The following ATP10A variants were observed in gnomAD, a reference collection of about 807,000 sequenced individuals.
ATP10A encodes phospholipid-transporting ATPase VA.
In ATP10A, 111 loss-of-function variants were observed where a neutral mutation model predicts 147.8. The ratio of observed to expected loss-of-function variants is 0.75; its 90% CI spans 0.64 to 0.88. The LOEUF is 0.88. Ranked by LOEUF, ATP10A falls within the 40% of genes least tolerant of loss-of-function variation. ATP10A has a pLI of 0.00. For missense variants in ATP10A, 1,927 were observed against 1,959.0 expected (o/e 0.98, Z 0.31); for synonymous variants, 875 against 841.6 (o/e 1.04, Z -0.69).
intron 1 of ATP10A, among the ~76,000 whole-genome samples, chr15:25,824,559 GTT>G (rs61050447): frequency 1.5e-4 from 18 of 120,186 alleles, no homozygotes; most frequent in Non-Finnish European, 2.0e-4. Context: ...TTTTGTGTGT[GTT>G]TTTTTTTTTT....
At chr15:25,859,108 T>C (rs1893644160) in intron 1 of ATP10A, among the ~76,000 whole-genome samples, 1 of 152,096 alleles carries the variant, frequency 6.6e-6, no homozygotes. Context: ...TGATAGGAGA[T>C]CTCTGCTTCC....
chr15:25,703,100 G>A (rs1900767531), intron 12 of ATP10A, among the ~76,000 whole-genome samples: 1 of 152,226 alleles, frequency 6.6e-6, no homozygotes, highest in South Asian at 2.1e-4. Flanking sequence ...GCTCACGCCT[G>A]TAATCCCAGC....
intron 1 of ATP10A, among the ~76,000 whole-genome samples, chr15:25,834,375 G>A (rs943549986): frequency 2.6e-5 from 4 of 152,176 alleles, no homozygotes; most frequent in Non-Finnish European, 5.9e-5. Flanking sequence ...TGATACATAA[G>A]TGGCCAATAA....
At chr15:25,722,524 T>C (rs1057292416) in intron 6 of ATP10A, among the ~76,000 whole-genome samples, 15 of 152,226 alleles carry the variant, frequency 9.9e-5, no homozygotes, top group African/African-American at 3.6e-4. Context: ...TGCTTACTCA[T>C]TTGTTTTTGT....
intron 3 of ATP10A, among the ~76,000 whole-genome samples, chr15:25,731,249 A>G (rs989543334): frequency 1.4e-4 from 21 of 152,260 alleles, no homozygotes; most frequent in Admixed American, 1.3e-3. Context: ...AGGGTTGGCT[A>G]TACTTGTATC....
chr15:25,722,551 A>G (rs1902309127), intron 6 of ATP10A, among the ~76,000 whole-genome samples: 2 of 152,210 alleles, frequency 1.3e-5, no homozygotes, highest in South Asian at 4.1e-4. Flanking sequence ...ACAGTATTGG[A>G]CTAATGTTTA....
intron 1 of ATP10A, among the ~76,000 whole-genome samples, chr15:25,783,481 C>CCG (rs1555469258): frequency 2.0e-5 from 3 of 147,006 alleles, no homozygotes; most frequent in Non-Finnish European, 4.6e-5. Flanking sequence ...TGAGGGACCC[C>CCG]CCCCTGGCAA....
At chr15:25,733,462 C>T (rs1887074437) in intron 3 of ATP10A, among the ~76,000 whole-genome samples, 1 of 152,186 alleles carries the variant, frequency 6.6e-6, no homozygotes, top group African/African-American at 2.4e-5. Context: ...GCGAGGCTGC[C>T]CCAGTCCCCT....
At position 25,789,565 on chromosome 15, in the gene ATP10A, AGTGT is replaced by A. The variant is rs59744412; in HGVS notation, c.450-8346_450-8343del. On this transcript the variant is annotated intron_variant, in intron 1 of 20. Transcript: ENST00000555815. ...TTTTCATATGGTGGACCAATAAAGA[AGTGT>A]GTGTGTGTGTGTGTGTGTGTGTGAC... Among the ~76,000 whole-genome samples the A allele has an allele frequency of 5.1e-3, 724 of 141,436 alleles. 9 individuals are homozygous for A. Among genetic ancestry groups the A allele is most frequent in the African/African-American group, 0.017 (676 of 38,908 alleles). The allele number at this position is 141,436 out of a possible 152,430, so 92.8% of individuals were successfully genotyped here. A position where few individuals can be genotyped will look rare whatever the true frequency, so the allele number is the denominator to read the frequency against.
At chr15:25,787,283 G>C (rs1890215852) in intron 1 of ATP10A, among the ~76,000 whole-genome samples, 1 of 152,158 alleles carries the variant, frequency 6.6e-6, no homozygotes, top group Non-Finnish European at 1.5e-5. Flanking sequence ...GCAGTGCAGA[G>C]ACTAATGTGG....
Position 25,708,825 on chromosome 15 carries a change from A to G in ATP10A, c.2345-525T>C, listed in dbSNP as rs191421558. 3.3e-3 allele frequency: 521 copies of G among 156,612 alleles called. 2 individuals carry two copies. The highest frequency in any genetic ancestry group is 8.4e-3 in the Admixed American group (134 of 16,038). 9.7% of individuals were successfully genotyped at this position (156,612 alleles called of 1,614,324 possible). On this transcript the variant is annotated intron_variant, in intron 10 of 20. Coordinates refer to ENST00000555815, the MANE Select transcript of ATP10A (RefSeq NM_024490.4). The stretch of plus-strand genomic sequence containing the variant: ...TACAAGTAGCATTGCCAGATACAAC[A>G]AACGATGTCTAAATATGGCATAGGA...
intron 3 of ATP10A, among the ~76,000 whole-genome samples, chr15:25,728,853 A>C (rs1441439887): frequency 1.3e-5 from 2 of 152,194 alleles, no homozygotes; most frequent in African/African-American, 4.8e-5. Flanking sequence ...CAGAAGGAAG[A>C]GCGAATGCGA....
At position 25,702,017 on chromosome 15, in the gene ATP10A, C is replaced by T. The variant is rs1245367648; in HGVS notation, c.2659G>A (p.Val887Ile). The change falls in exon 13 of 21, where the codon GTT (valine) becomes ATT (isoleucine). Residue 887 changes from valine to isoleucine, a missense_variant. Val to Ile is a conservative substitution (Grantham distance 29). Coordinates refer to ENST00000555815, the MANE Select transcript of ATP10A (RefSeq NM_024490.4). ...KLRQAGLQIW[V>I]LTGDKQETAV... ...GTTTCTTGTTTGTCACCAGTGAGAA[C>T]CCAAATCTGCAGGCCCGCTTGACGC... The T allele has an allele frequency of 1.2e-6, 2 of 1,614,194 alleles. No homozygotes were observed. Among genetic ancestry groups the T allele is most frequent in the Non-Finnish European group, 1.7e-6 (2 of 1,180,032 alleles).
intron 1 of ATP10A, among the ~76,000 whole-genome samples, chr15:25,821,390 C>CA (rs1195379076): frequency 9.2e-5 from 9 of 97,678 alleles, no homozygotes; most frequent in Middle Eastern, 0.013. Context: ...GACCCTGTCT[C>CA]AAAAAAAACA....
chr15:25,784,915 C>T (rs1890086282), intron 1 of ATP10A, among the ~76,000 whole-genome samples: 1 of 150,122 alleles, frequency 6.7e-6, no homozygotes, highest in Non-Finnish European at 1.5e-5. Flanking sequence ...GAGCGAGACC[C>T]CGTGTCAAAA....
chr15:25,787,332 G>A (rs1026473317), intron 1 of ATP10A, among the ~76,000 whole-genome samples: 2 of 152,118 alleles, frequency 1.3e-5, no homozygotes, highest in Non-Finnish European at 2.9e-5. Flanking sequence ...AAACGGTGGA[G>A]GCCAGGCATG....
At chr15:25,831,734 C>T (rs1233439059) in intron 1 of ATP10A, among the ~76,000 whole-genome samples, 1 of 152,156 alleles carries the variant, frequency 6.6e-6, no homozygotes, top group Admixed American at 6.5e-5. Context: ...TAGAAGATAG[C>T]ATTGTCATAT....
At chr15:25,823,027 A>T (rs911759684) in intron 1 of ATP10A, among the ~76,000 whole-genome samples, 3 of 152,184 alleles carry the variant, frequency 2.0e-5, no homozygotes, top group Non-Finnish European at 4.4e-5. Flanking sequence ...TGCTTCTGCA[A>T]TGTACAAACT....
At chr15:25,754,107 G>A (rs767379124) in intron 2 of ATP10A, among the ~76,000 whole-genome samples, 12 of 151,890 alleles carry the variant, frequency 7.9e-5, no homozygotes, top group South Asian at 4.2e-4. Flanking sequence ...CATGTGCTGC[G>A]GTTTTTTATT....
Sources: gnomAD v4.1 joint callset for allele counts (sites outside exome capture counted in the v4.1 genomes callset) on GRCh38, gnomAD v4.1.1 for gene constraint, MANE v1.5 for transcripts, NCBI Gene and HGNC (gene_info 2026-07-23, HGNC 2026-07-21) for gene names.